PRKCB: variants seen among roughly 807,000 people sequenced by gnomAD.
PRKCB encodes the protein protein kinase C beta type.
Under a neutral mutation model 81.5 loss-of-function variants are expected in PRKCB, and 13 were observed. The ratio of observed to expected loss-of-function variants is 0.16; its 90% CI spans 0.10 to 0.25. The LOEUF (loss-of-function observed/expected upper bound fraction) is 0.25, where lower values mean the gene tolerates loss of function less well. Ranked by LOEUF, PRKCB falls within the 10% of genes least tolerant of loss-of-function variation. The pLI is 1.00. For synonymous variants in PRKCB, 335 were observed against 321.4 expected, an observed-to-expected ratio of 1.04 and a Z score of -0.45; for missense variants, 509 against 875.7, an observed-to-expected ratio of 0.58 and a Z score of 5.29.
intron 2 of PRKCB, among the ~76,000 whole-genome samples, chr16:23,980,457 G>A (rs910957709): frequency 6.6e-6 from 1 of 152,222 alleles, no homozygotes; most frequent in African/African-American, 2.4e-5. Context: ...CAGTTTGCAT[G>A]TGTTGTCTTA....
chr16:23,886,406 G>GTTTTTTTTTTTT (rs398029038), intron 2 of PRKCB, among the ~76,000 whole-genome samples: 6 of 70,222 alleles, frequency 8.5e-5, no homozygotes, highest in African/African-American at 1.3e-4. Context: ...TGTGTTAGGT[G>GTTTTTTTTTTTT]TTTTTTTTTT....
intron 5 of PRKCB, among the ~76,000 whole-genome samples, chr16:24,069,795 A>T (rs1567363561): frequency 6.6e-6 from 1 of 152,216 alleles, no homozygotes; most frequent in Non-Finnish European, 1.5e-5. Context: ...GCTCAATAAA[A>T]GTTGTCATTG....
chr16:24,008,712 C>T (rs1390535874), intron 3 of PRKCB, among the ~76,000 whole-genome samples: 1 of 152,110 alleles, frequency 6.6e-6, no homozygotes, highest in African/African-American at 2.4e-5. Context: ...GAACACGTAA[C>T]ATGAAATCTA....
At chr16:24,013,895 C>G (rs1371323344) in intron 3 of PRKCB, among the ~76,000 whole-genome samples, 1 of 152,046 alleles carries the variant, frequency 6.6e-6, no homozygotes, top group Non-Finnish European at 1.5e-5. Flanking sequence ...TTCTAGCGGT[C>G]ATGAGGATCA....
intron 7 of PRKCB, among the ~76,000 whole-genome samples, chr16:24,095,886 G>A (rs1872674924): frequency 6.6e-6 from 1 of 151,556 alleles, no homozygotes; most frequent in Non-Finnish European, 1.5e-5. Flanking sequence ...ATAATGGCTG[G>A]TAATCCTTTA....
intron 2 of PRKCB, among the ~76,000 whole-genome samples, chr16:23,879,435 T>C (rs1045287899): frequency 6.6e-6 from 1 of 151,028 alleles, no homozygotes; most frequent in Non-Finnish European, 1.5e-5. Context: ...CAAACAGATG[T>C]CATAGTAATC....
At chr16:24,026,712 T>C (rs1965484199) in intron 3 of PRKCB, among the ~76,000 whole-genome samples, 1 of 152,190 alleles carries the variant, frequency 6.6e-6, no homozygotes. Context: ...TCCTAGGTCT[T>C]GGAGAGGAGC....
chr16:23,886,602 G>A (rs547696467), intron 2 of PRKCB, among the ~76,000 whole-genome samples: 75 of 151,898 alleles, frequency 4.9e-4, no homozygotes, highest in African/African-American at 1.4e-3. Context: ...TAGTAGAGAC[G>A]AGGTTTCACT....
chr16:23,885,060 G>A (rs557661251), intron 2 of PRKCB, among the ~76,000 whole-genome samples: 1 of 152,126 alleles, frequency 6.6e-6, no homozygotes, highest in South Asian at 2.1e-4. Context: ...AGTAGTTATT[G>A]TGAAGATTAT....
chr16:24,151,922 G>C (rs1266256812), intron 9 of PRKCB: 1 of 454,462 alleles, frequency 2.2e-6, no homozygotes, highest in Non-Finnish European at 4.4e-6. Flanking sequence ...CAGCCATTCT[G>C]CCCTGTCTCT....
chr16:23,875,613 C>CACACATATGTGTATATCAA (rs1962992848), intron 2 of PRKCB, among the ~76,000 whole-genome samples: 1 of 30,396 alleles, frequency 3.3e-5, no homozygotes, highest in Admixed American at 4.1e-4. Flanking sequence ...ATGTATATCA[C>CACACATATGTGTATATCAA]ACACATATAT....
intron 9 of PRKCB, among the ~76,000 whole-genome samples, chr16:24,148,608 G>A (rs1967028895): frequency 6.6e-6 from 1 of 152,204 alleles, no homozygotes. Flanking sequence ...TGATTGAAAA[G>A]AGCATGCATA....
Position 24,027,701 on chromosome 16 carries a change from C to A in PRKCB, c.289-4435C>A, listed in dbSNP as rs545535379. Among the ~76,000 whole-genome samples, 542 of 152,262 alleles carry A rather than the reference C, an allele frequency of 3.6e-3. 2 individuals carry two copies. Among genetic ancestry groups the A allele is most frequent in the African/African-American group, 0.012 (503 of 41,532 alleles). On this transcript the variant is annotated intron_variant, in intron 3 of 16. Transcript: ENST00000643927. Reference sequence around the variant, plus strand: ...GCTCATTAACAAGATAAGAAGCAACCGAAGTCTGCAGTGGCTGAGGATTTT... The same window carrying A: ...GCTCATTAACAAGATAAGAAGCAACAGAAGTCTGCAGTGGCTGAGGATTTT...
intron 10 of PRKCB, among the ~76,000 whole-genome samples, chr16:24,164,802 A>G (rs1388410008): frequency 6.6e-6 from 1 of 152,154 alleles, no homozygotes. Context: ...TTTGATTTTC[A>G]TATATTAGAG....
chr16:24,163,132 G>A (rs1967289285), intron 10 of PRKCB, among the ~76,000 whole-genome samples: 1 of 152,128 alleles, frequency 6.6e-6, no homozygotes, highest in Non-Finnish European at 1.5e-5. Flanking sequence ...GTTTATTCCT[G>A]GCCCAATCAG....
intron 5 of PRKCB, among the ~76,000 whole-genome samples, chr16:24,088,706 C>A (rs1012343529): frequency 6.1e-5 from 8 of 130,754 alleles, no homozygotes; most frequent in Non-Finnish European, 1.3e-4. Flanking sequence ...TCCAGCGAGA[C>A]CCTGTGTCAA....
intron 5 of PRKCB, 123 bp downstream of exon 5, chr16:24,035,670 G>T (rs1239211783): frequency 1.1e-5 from 12 of 1,089,256 alleles, no homozygotes; most frequent in Non-Finnish European, 1.4e-5. Context: ...GACGGGGAGG[G>T]GGTGTGGCAC....
intron 2 of PRKCB, among the ~76,000 whole-genome samples, chr16:23,925,858 T>C (rs1963889709): frequency 6.6e-6 from 1 of 152,030 alleles, no homozygotes. Context: ...TATTCCATAC[T>C]CTGTGTCTAT....
intron 3 of PRKCB, among the ~76,000 whole-genome samples, chr16:24,012,492 G>C (rs1965216955): frequency 6.6e-6 from 1 of 152,200 alleles, no homozygotes. Context: ...CTCTGGTCCT[G>C]TCTCCCTGCT....
Sources: gnomAD v4.1 joint callset for allele counts (sites outside exome capture counted in the v4.1 genomes callset) on GRCh38, gnomAD v4.1.1 for gene constraint, MANE v1.5 for transcripts, NCBI Gene and HGNC (gene_info 2026-07-23, HGNC 2026-07-21) for gene names.